RNF185: variants seen among roughly 807,000 people sequenced by gnomAD.
RNF185 encodes the protein ring finger protein 185.
RNF185 carries 13 observed loss-of-function variants against 24.9 expected under a neutral mutation model. That is an observed-to-expected ratio of 0.52 (90% CI 0.34 to 0.83). The LOEUF (loss-of-function observed/expected upper bound fraction) is 0.83. RNF185 is among the 40% of genes least tolerant of loss of function. The probability of loss-of-function intolerance (pLI) is 0.01; values close to 1 mark genes in which losing one functional copy is unlikely to be tolerated. For missense variants in RNF185, 184 were observed against 244.7 expected (o/e 0.75, Z 1.65); for synonymous variants, 79 against 90.3 (o/e 0.88, Z 0.71).
chr22:31,189,877 A>G (rs1033767389), intron 2 of RNF185, among the ~76,000 whole-genome samples: 25 of 152,108 alleles, frequency 1.6e-4, no homozygotes, highest in Non-Finnish European at 3.1e-4. Flanking sequence ...TACTGGTGTG[A>G]GCCACCATGC....
At chr22:31,183,640 G>A (rs1440669095) in intron 1 of RNF185, among the ~76,000 whole-genome samples, 1 of 152,036 alleles carries the variant, frequency 6.6e-6, no homozygotes, top group Non-Finnish European at 1.5e-5. Flanking sequence ...ATCTTGCACC[G>A]CCCTTAATCC....
At chr22:31,166,382 G>C (rs953030765) in intron 1 of RNF185, among the ~76,000 whole-genome samples, 4 of 152,148 alleles carry the variant, frequency 2.6e-5, no homozygotes, top group African/African-American at 4.8e-5. Context: ...GAGAACCTTT[G>C]TTGCAGTTGC....
chr22:31,192,136 T>G (rs1365830968), intron 2 of RNF185, among the ~76,000 whole-genome samples: 1 of 152,142 alleles, frequency 6.6e-6, no homozygotes. Context: ...TGCTTCCTGC[T>G]AGGAGAGTTC....
At chr22:31,167,334 A>G (rs1048640725) in intron 1 of RNF185, among the ~76,000 whole-genome samples, 1 of 152,148 alleles carries the variant, frequency 6.6e-6, no homozygotes, top group East Asian at 1.9e-4. Flanking sequence ...TGCCTGGCCC[A>G]TTTTAATTAT....
At chr22:31,173,467 AG>A (rs1292144395) in intron 1 of RNF185, among the ~76,000 whole-genome samples, 1 of 149,686 alleles carries the variant, frequency 6.7e-6, no homozygotes, top group Non-Finnish European at 1.5e-5. Flanking sequence ...GGTGCTCCTG[AG>A]GCACCTAGCC....
chr22:31,187,301 A>T, intron 2 of RNF185, 31 bp downstream of exon 2: 1 of 1,610,822 alleles, frequency 6.2e-7, no homozygotes. Flanking sequence ...CCCAGAGAGC[A>T]CATTGCCAAG....
At position 31,167,476 on chromosome 22, in the gene RNF185, C is replaced by A. The variant is rs148280139; in HGVS notation, c.-49+7173C>A. On this transcript the variant is annotated intron_variant, in intron 1 of 6. Transcript: ENST00000326132. ...AAGCAATAACTCCTCATTCTCTCCT[C>A]CCCCCAGCTCCTGGTAACCTCTGAT... Among the ~76,000 whole-genome samples, 841 of 152,176 alleles carry A rather than the reference C, an allele frequency of 5.5e-3. 10 individuals are homozygous for A. The highest frequency in any genetic ancestry group is 0.02 in the African/African-American group (810 of 41,494).
intron 1 of RNF185, among the ~76,000 whole-genome samples, chr22:31,166,636 TTCTTCCTCTTCC>T (rs1002206788): frequency 2.0e-5 from 3 of 150,106 alleles, no homozygotes; most frequent in African/African-American, 4.9e-5. Context: ...CTTCTTCTTC[TTCTTCCTCTTCC>T]TCTTCCTCTT....
intron 2 of RNF185, among the ~76,000 whole-genome samples, chr22:31,189,134 A>T (rs200386129): frequency 2.4e-4 from 9 of 37,048 alleles, no homozygotes; most frequent in Non-Finnish European, 3.6e-4. Flanking sequence ...TCAAAAAAAA[A>T]ATGTGTGTGT....
intron 4 of RNF185, 41 bp from the exon 5 acceptor site, chr22:31,196,895 G>A: frequency 1.9e-6 from 3 of 1,608,200 alleles, no homozygotes; most frequent in Non-Finnish European, 2.5e-6. Context: ...GCAACTCAAA[G>A]CAATTTGTAA....
intron 1 of RNF185, among the ~76,000 whole-genome samples, chr22:31,180,345 G>C (rs1363775772): frequency 2.0e-5 from 3 of 151,822 alleles, no homozygotes; most frequent in Non-Finnish European, 4.4e-5. Context: ...GCACCTATAA[G>C]CCCAGCTACT....
chr22:31,177,437 C>A (rs887768260), intron 1 of RNF185, among the ~76,000 whole-genome samples: 1 of 152,116 alleles, frequency 6.6e-6, no homozygotes, highest in Non-Finnish European at 1.5e-5. Context: ...AGGGCCAAAT[C>A]TCCATGGGCT....
intron 1 of RNF185, among the ~76,000 whole-genome samples, chr22:31,179,376 G>A (rs74608149): frequency 3.3e-5 from 5 of 152,168 alleles, no homozygotes; most frequent in Non-Finnish European, 1.5e-5. Context: ...TGCCACCTTG[G>A]TGTACTGAGA....
chr22:31,195,109 T>C (rs2048193025), intron 3 of RNF185, among the ~76,000 whole-genome samples: 1 of 151,944 alleles, frequency 6.6e-6, no homozygotes, highest in Non-Finnish European at 1.5e-5. Context: ...TGCGCCACCA[T>C]GTCTGGCTAA....
chr22:31,185,163 C>T (rs1437988679), intron 1 of RNF185, among the ~76,000 whole-genome samples: 1 of 151,886 alleles, frequency 6.6e-6, no homozygotes, highest in South Asian at 2.1e-4. Context: ...CCGAGGCCAG[C>T]GCACGAAACT....
chr22:31,185,226 C>G (rs1358282269), intron 1 of RNF185, among the ~76,000 whole-genome samples: 1 of 152,096 alleles, frequency 6.6e-6, no homozygotes, highest in Non-Finnish European at 1.5e-5. Context: ...AATGATGTAA[C>G]TGAGTGAAAA....
intron 1 of RNF185, among the ~76,000 whole-genome samples, chr22:31,180,110 G>T (rs780085733): frequency 6.6e-6 from 1 of 151,760 alleles, no homozygotes; most frequent in African/African-American, 2.4e-5. Flanking sequence ...AGAACATGGC[G>T]GGGGGGTGGG....
Position 31,170,510 on chromosome 22 carries a change from T to C in RNF185, c.-49+10207T>C, listed in dbSNP as rs564871758. Among the ~76,000 whole-genome samples the C allele has an allele frequency of 3.3e-5, 5 of 151,436 alleles. No individual in the cohort carries two copies. The South Asian group carries it at 8.4e-4, about 25-fold the overall frequency. On this transcript the variant is annotated intron_variant, in intron 1 of 6. Transcript: ENST00000326132. ...GGCCAGATGTGGTTTTTATTTTTTA[T>C]TTATTTTATTTATTTATTGAGACAG... is the stretch of plus-strand genomic sequence containing the variant.
Position 31,206,482 on chromosome 22 carries a change from T to C in RNF185, c.*1896T>C, listed in dbSNP as rs1318889799. On this transcript the variant is annotated 3_prime_UTR_variant, in exon 7 of 7. Coordinates refer to ENST00000326132, the MANE Select transcript of RNF185 (RefSeq NM_152267.4). ...CCCCCCTCAGTGCAGTGGCCCCAAC[T>C]AGTGGAGGGAGAGAGGACTTAAGTC... is the stretch of plus-strand genomic sequence containing the variant. 2 of 152,138 alleles carry C rather than the reference T, an allele frequency of 1.3e-5. No homozygotes were observed. Among genetic ancestry groups the C allele is most frequent in the Non-Finnish European group, 2.9e-5 (2 of 68,020 alleles). The allele number at this position is 152,138 out of a possible 1,614,324, so 9.4% of individuals were successfully genotyped here. A position where few individuals can be genotyped will look rare whatever the true frequency, so the allele number is the denominator to read the frequency against.
Sources: allele counts gnomAD v4.1 joint callset (sites outside exome capture counted in the v4.1 genomes callset), GRCh38; gene constraint gnomAD v4.1.1; transcripts MANE v1.5; gene names NCBI Gene and HGNC (gene_info 2026-07-23, HGNC 2026-07-21).